Variants in ITPR2 observed in about 807,000 individuals in gnomAD.
The protein encoded by ITPR2 is inositol 1,4,5-trisphosphate-gated calcium channel ITPR2.
Under a neutral mutation model 317.1 loss-of-function variants are expected in ITPR2, and 207 were observed. The observed-to-expected ratio is 0.65, with a 90% CI of 0.58 to 0.73. ITPR2 has a LOEUF of 0.73. Among genes scored for constraint, ITPR2 ranks in the 30% least tolerant of loss-of-function variants. The pLI is 0.00. For missense variants in ITPR2, 2,613 were observed against 3,284.0 expected (o/e 0.80, Z 4.99); for synonymous variants, 1,156 against 1,149.1 (o/e 1.01, Z -0.12).
intron 2 of ITPR2, among the ~76,000 whole-genome samples, chr12:26,762,538 C>A (rs1190992118): frequency 2.0e-5 from 3 of 152,088 alleles, no homozygotes; most frequent in Non-Finnish European, 4.4e-5. Flanking sequence ...GAGTTTATCA[C>A]CATGAGACCT....
intron 13 of ITPR2, among the ~76,000 whole-genome samples, chr12:26,668,136 C>T (rs974645574): frequency 2.6e-5 from 4 of 152,158 alleles, no homozygotes; most frequent in Admixed American, 2.0e-4. Context: ...TACTAGCTCA[C>T]GCATTTGCTT....
chr12:26,523,862 C>T (rs1943733953), intron 37 of ITPR2, among the ~76,000 whole-genome samples: 1 of 152,230 alleles, frequency 6.6e-6, no homozygotes, highest in Non-Finnish European at 1.5e-5. Flanking sequence ...TCCAGTGGAG[C>T]ACAGTGCCAG....
At chr12:26,690,898 T>C (rs891480006) in intron 10 of ITPR2, among the ~76,000 whole-genome samples, 1 of 152,250 alleles carries the variant, frequency 6.6e-6, no homozygotes, top group Non-Finnish European at 1.5e-5. Context: ...GAATACGCTA[T>C]TCCACCCTTA....
At chr12:26,469,136 T>C (rs1942241881) in intron 45 of ITPR2, among the ~76,000 whole-genome samples, 1 of 152,222 alleles carries the variant, frequency 6.6e-6, no homozygotes, top group Admixed American at 6.5e-5. Flanking sequence ...TAATGATTTA[T>C]CTCTCTCGCT....
intron 21 of ITPR2, among the ~76,000 whole-genome samples, chr12:26,640,163 G>GA (rs997760438): frequency 3.3e-5 from 5 of 152,226 alleles, no homozygotes; most frequent in African/African-American, 1.2e-4. Flanking sequence ...TATAACTACA[G>GA]AAAAATAACT....
chr12:26,786,849 A>G (rs1026034529), intron 2 of ITPR2, among the ~76,000 whole-genome samples: 2 of 152,226 alleles, frequency 1.3e-5, no homozygotes, highest in Non-Finnish European at 2.9e-5. Flanking sequence ...TGGCTGAGGC[A>G]AGAGGAACTG....
intron 34 of ITPR2, among the ~76,000 whole-genome samples, chr12:26,571,262 T>G (rs1234210446): frequency 6.6e-6 from 1 of 152,222 alleles, no homozygotes; most frequent in African/African-American, 2.4e-5. Flanking sequence ...TTTAAAAACT[T>G]CTGAAGTTTT....
chr12:26,715,321 G>A lies in ITPR2; in HGVS notation c.833C>T (p.Ser278Phe). Residue 278 changes from serine (S) to phenylalanine (F), a missense_variant, in exon 8 of 57, where the codon TCT becomes TTT. Physicochemically the swap from Ser to Phe is radical, Grantham distance 155. This residue lies in a region of ITPR2 where 515 missense variants were observed against 789.4 expected (regional missense o/e 0.65). Transcript: ENST00000381340. Reference sequence around the variant, plus strand: ...TACCTCTATTTCCCAGAGTGCTTTAGAACTAGTAGCAGAAGTAGCTGATTG... The same window carrying A: ...TACCTCTATTTCCCAGAGTGCTTTAAAACTAGTAGCAGAAGTAGCTGATTG... The part of the protein sequence containing the change: ...LRQSATSATS[S>F]KALWEIEVVH... The A allele has an allele frequency of 6.2e-7, 1 of 1,613,432 alleles. No individual in the cohort carries two copies. The highest frequency in any genetic ancestry group is 8.5e-7 in the Non-Finnish European group (1 of 1,179,572).
At chr12:26,589,829 TAAAC>T (rs1565624322) in intron 32 of ITPR2, among the ~76,000 whole-genome samples, 1,329 of 22,434 alleles carry the variant, frequency 0.059, 170 homozygotes, top group Non-Finnish European at 0.12. Flanking sequence ...AATAAATAAA[TAAAC>T]ATATATATAT....
chr12:26,429,695 T>C (rs1463899617), intron 48 of ITPR2, among the ~76,000 whole-genome samples: 1 of 152,212 alleles, frequency 6.6e-6, no homozygotes, highest in Non-Finnish European at 1.5e-5. Flanking sequence ...AATTTGTTGA[T>C]TGAGTAAATA....
At chr12:26,654,151 AGGGGGAGGGTGAAAGAGTGG>A in intron 20 of ITPR2, 25 bp from the exon 21 acceptor site, 1 of 1,435,130 alleles carries the variant, frequency 7.0e-7, no homozygotes, top group Non-Finnish European at 9.4e-7. Context: ...AAAAGCGGGG[AGGGGGAGGGTGAAAGAGTGG>A]AAAAAAAAAT....
chr12:26,458,721 G>A (rs1199884790), intron 45 of ITPR2, among the ~76,000 whole-genome samples: 1 of 152,222 alleles, frequency 6.6e-6, no homozygotes, highest in East Asian at 1.9e-4. Context: ...AAAGACATGA[G>A]TTTGTTTATT....
At chr12:26,653,053 C>T (rs1422994788) in intron 21 of ITPR2, among the ~76,000 whole-genome samples, 1 of 152,096 alleles carries the variant, frequency 6.6e-6, no homozygotes, top group Non-Finnish European at 1.5e-5. Flanking sequence ...ATCTTCATAT[C>T]TCAGATGAGA....
chr12:26,769,361 A>C (rs1329156418), intron 2 of ITPR2, among the ~76,000 whole-genome samples: 1 of 152,180 alleles, frequency 6.6e-6, no homozygotes. Flanking sequence ...TGAAAACCAC[A>C]AACTGTAAAC....
intron 32 of ITPR2, among the ~76,000 whole-genome samples, chr12:26,589,729 G>A (rs547991901): frequency 1.4e-5 from 2 of 147,170 alleles, no homozygotes; most frequent in Non-Finnish European, 3.0e-5. Context: ...AGAGGTTGCA[G>A]TGAGCCAAGA....
At chr12:26,544,436 G>A (rs2136990710) in intron 37 of ITPR2, among the ~76,000 whole-genome samples, 1 of 152,062 alleles carries the variant, frequency 6.6e-6, no homozygotes, top group East Asian at 1.9e-4. Context: ...ACATCATACA[G>A]AGAAGGCTAA....
chr12:26,826,479 G>A (rs759850831), intron 1 of ITPR2, among the ~76,000 whole-genome samples: 6 of 152,048 alleles, frequency 3.9e-5, no homozygotes, highest in African/African-American at 4.8e-5. Context: ...CACCCTACCA[G>A]ACATCCATCC....
intron 25 of ITPR2, among the ~76,000 whole-genome samples, chr12:26,621,960 T>C (rs756459950): frequency 1.3e-5 from 2 of 152,238 alleles, no homozygotes; most frequent in African/African-American, 4.8e-5. Context: ...ATAGCAGTGG[T>C]AACAAAATTC....
At chr12:26,600,707 T>A (rs1327009764) in intron 28 of ITPR2, among the ~76,000 whole-genome samples, 6 of 142,332 alleles carry the variant, frequency 4.2e-5, no homozygotes, top group Non-Finnish European at 7.9e-5. Context: ...CTTCTTTTCC[T>A]CTTTTCCTAT....
Sources: gnomAD v4.1 joint callset for allele counts (sites outside exome capture counted in the v4.1 genomes callset) on GRCh38, gnomAD v4.1.1 for gene constraint, gnomAD v4.1.1 regional missense constraint, MANE v1.5 for transcripts, NCBI Gene and HGNC (gene_info 2026-07-23, HGNC 2026-07-21) for gene names.